MAP3K13: variants seen among roughly 807,000 people sequenced by gnomAD.
MAP3K13 encodes leucine zipper-bearing kinase.
MAP3K13 carries 52 observed loss-of-function variants against 104.0 expected under a neutral mutation model. That is an observed-to-expected ratio of 0.50 (90% confidence interval 0.40 to 0.63). The LOEUF (loss-of-function observed/expected upper bound fraction) is 0.63, where lower values mean the gene tolerates loss of function less well. Ranked by LOEUF, MAP3K13 falls within the 20% of genes least tolerant of loss-of-function variation. The pLI, the probability that MAP3K13 is intolerant of heterozygous loss-of-function variation, is 0.00. For synonymous variants in MAP3K13, 394 were observed against 442.2 expected, an observed-to-expected ratio of 0.89 and a Z score of 1.37; for missense variants, 914 against 1,218.5, an observed-to-expected ratio of 0.75 and a Z score of 3.72.
intron 1 of MAP3K13, among the ~76,000 whole-genome samples, chr3:185,410,149 A>G (rs1365062470): frequency 6.6e-6 from 1 of 152,224 alleles, no homozygotes; most frequent in African/African-American, 2.4e-5. Context: ...CCTGCTGTGC[A>G]GCCTGGTTCT....
rs1042406928 is a variant in MAP3K13, at chr3:185,483,644, C to G, written c.*1188C>G. 2.8e-5 allele frequency: 4 copies of G among 142,048 alleles called. No individual in the cohort carries two copies. Among genetic ancestry groups the G allele is most frequent in the Non-Finnish European group, 5.7e-5 (4 of 69,806 alleles). The allele number at this position is 142,048 out of a possible 1,614,324, so 8.8% of individuals were successfully genotyped here. ...GAAGGCAGCTAGGATGTATGTGTGT[C>G]TATACAATGTCTGAGCCCAAACCAT... On this transcript the variant is annotated 3_prime_UTR_variant, in exon 14 of 14. Coordinates refer to ENST00000265026, the MANE Select transcript of MAP3K13 (RefSeq NM_004721.5).
intron 2 of MAP3K13, among the ~76,000 whole-genome samples, chr3:185,304,068 G>T (rs867268256): frequency 6.6e-6 from 1 of 151,972 alleles, no homozygotes; most frequent in Non-Finnish European, 1.5e-5. Context: ...GTGATTTCTT[G>T]TTTGACCAAT....
At chr3:185,325,623 G>A (rs1389192690) in intron 2 of MAP3K13, among the ~76,000 whole-genome samples, 3 of 152,192 alleles carry the variant, frequency 2.0e-5, no homozygotes, top group Non-Finnish European at 2.9e-5. Flanking sequence ...AGAAGGACCA[G>A]GTATGATCAG....
In MAP3K13 at chr3:185,480,271, C is replaced by A. The variant is rs752336664; in HGVS notation, c.2541C>A (p.Thr847=). 4.3e-6 allele frequency: 7 copies of A among 1,614,200 alleles called. No individual in the cohort carries two copies. In the South Asian group the frequency reaches 5.5e-5, roughly 13 times the overall value. Residue 847 remains threonine, a synonymous_variant, in exon 13 of 14, where the codon ACC becomes ACA. Coordinates refer to ENST00000265026, the MANE Select transcript of MAP3K13 (RefSeq NM_004721.5). ...TCAGCAGCTGCCAGTCATATTCAAC[C>A]TTTAGCTCTGAGAATTTCTCTGTGT... ...RCISSCQSYS[T]FSSENFSVSD...
At position 185,429,057 on chromosome 3, in the gene MAP3K13, G is replaced by A. The variant is rs1399368807; in HGVS notation, c.475+1G>A. On this transcript the variant is annotated splice_donor_variant, in intron 2 of 13. Coordinates refer to ENST00000265026, the MANE Select transcript of MAP3K13 (RefSeq NM_004721.5). LOFTEE classifies it high-confidence loss of function. The stretch of plus-strand genomic sequence containing the variant: ...ACTGATTACAAATTGCAGCAGCAAG[G>A]TAAGCTAGAATATGGACTTGGAAGA... The A allele has an allele frequency of 2.5e-6, 4 of 1,611,116 alleles. No homozygotes were observed. Among genetic ancestry groups the A allele is most frequent in the Admixed American group, 3.3e-5 (2 of 59,940 alleles).
intron 2 of MAP3K13, among the ~76,000 whole-genome samples, chr3:185,296,212 C>T (rs917641356): frequency 2.0e-5 from 3 of 152,200 alleles, no homozygotes; most frequent in Non-Finnish European, 2.9e-5. Flanking sequence ...CCACTGCACT[C>T]CAGCCTGGGT....
intron 2 of MAP3K13, among the ~76,000 whole-genome samples, chr3:185,305,656 T>C (rs942785958): frequency 1.3e-5 from 2 of 152,238 alleles, no homozygotes; most frequent in Non-Finnish European, 2.9e-5. Flanking sequence ...AGGGACTTCC[T>C]TTCGCATTTC....
chr3:185,399,464 C>T (rs909443978), intron 1 of MAP3K13, among the ~76,000 whole-genome samples: 3 of 151,278 alleles, frequency 2.0e-5, no homozygotes, highest in Admixed American at 6.6e-5. Context: ...AAATTTTAGC[C>T]GGGCGTGGTG....
In MAP3K13 at chr3:185,395,506, C is replaced by G. The variant is rs375811983; in HGVS notation, c.-86+32138C>G. Among the ~76,000 whole-genome samples the G allele has an allele frequency of 6.3e-3, 705 of 111,386 alleles. 21 individuals carry two copies. Among genetic ancestry groups the G allele is most frequent in the East Asian group, 0.038 (148 of 3,904 alleles). 73.1% of individuals were successfully genotyped at this position (111,386 alleles called of 152,430 possible). A position where few individuals can be genotyped will look rare whatever the true frequency, so the allele number is the denominator to read the frequency against. ...CCCAAGTAGCTGGGACTACAGGCACCCGCCACCACGCCCGGCTAATTTTTT... is the reference window on the plus strand; with the variant it reads ...CCCAAGTAGCTGGGACTACAGGCACGCGCCACCACGCCCGGCTAATTTTTT... On this transcript the variant is annotated intron_variant, in intron 1 of 13. Transcript: ENST00000265026.
intron 2 of MAP3K13, 124 bp downstream of exon 2, chr3:185,429,180 T>TGAA: frequency 1.2e-6 from 1 of 855,876 alleles, no homozygotes; most frequent in Non-Finnish European, 1.8e-6. Context: ...GACAGATGAA[T>TGAA]ACCTCATTTC....
At chr3:185,297,873 ACTCT>A (rs370793853) in intron 2 of MAP3K13, among the ~76,000 whole-genome samples, 44 of 147,344 alleles carry the variant, frequency 3.0e-4, no homozygotes, top group Non-Finnish European at 5.4e-4. Flanking sequence ...AATAAGAGCT[ACTCT>A]CTCTCTCTCT....
intron 2 of MAP3K13, among the ~76,000 whole-genome samples, chr3:185,319,453 G>A (rs1721785568): frequency 6.6e-6 from 1 of 152,238 alleles, no homozygotes; most frequent in Non-Finnish European, 1.5e-5. Flanking sequence ...GTAAAGCTAT[G>A]TCCTGGCCTG....
intron 2 of MAP3K13, among the ~76,000 whole-genome samples, chr3:185,346,231 T>C (rs1408132813): frequency 6.6e-6 from 1 of 152,196 alleles, no homozygotes; most frequent in Non-Finnish European, 1.5e-5. Context: ...ACTTTTCTTA[T>C]CTTATCAATT....
intron 1 of MAP3K13, among the ~76,000 whole-genome samples, chr3:185,393,009 G>T (rs376152869): frequency 6.6e-5 from 10 of 151,960 alleles, no homozygotes; most frequent in African/African-American, 2.2e-4. Flanking sequence ...CCGAGATCAC[G>T]CCACTGCACT....
chr3:185,334,988 C>T lies in MAP3K13; in HGVS notation c.-86+49345C>T, dbSNP rs1722427800. 2.0e-5 allele frequency among the ~76,000 whole-genome samples: 3 copies of T among 151,026 alleles called. No homozygotes were observed. In the South Asian group the frequency reaches 6.2e-4, roughly 31 times the overall value. On this transcript the variant is annotated intron_variant, in intron 2 of 14. Coordinates refer to the MAP3K13 transcript ENST00000424227. ...CAAAACTGCAATAGACATGGATGTA[C>T]TGATAAATAGACATGGATCATAGAT...
chr3:185,470,083 C>CT (rs1230108956), intron 10 of MAP3K13, among the ~76,000 whole-genome samples: 1 of 152,158 alleles, frequency 6.6e-6, no homozygotes, highest in Non-Finnish European at 1.5e-5. Context: ...CAGAGAAGGG[C>CT]TGCTGCTCTC....
At chr3:185,351,565 A>G (rs949385838) in intron 2 of MAP3K13, among the ~76,000 whole-genome samples, 3 of 152,196 alleles carry the variant, frequency 2.0e-5, no homozygotes, top group East Asian at 1.9e-4. Context: ...ATGAATTCCA[A>G]GACTATGGAC....
At chr3:185,397,566 T>C (rs1712500432) in intron 1 of MAP3K13, among the ~76,000 whole-genome samples, 1 of 152,250 alleles carries the variant, frequency 6.6e-6, no homozygotes, top group South Asian at 2.1e-4. Context: ...GATAAACTTA[T>C]TTCTATTTCG....
rs1347144051 is a variant in MAP3K13, at chr3:185,288,438, AT to A, written c.-86+2796del. Among the ~76,000 whole-genome samples the A allele has an allele frequency of 2.0e-5, 3 of 150,514 alleles. No homozygotes were observed. The Admixed American group carries it at 2.0e-4, about 10-fold the overall frequency. On this transcript the variant is annotated intron_variant, in intron 2 of 14. Transcript: ENST00000424227. ...GAGAGAATATATATATTCCAGAAAAATATATATAATTTATATAGAGAGAATA... is the reference window on the plus strand; with the variant it reads ...GAGAGAATATATATATTCCAGAAAAAATATATAATTTATATAGAGAGAATA...
Sources: allele counts gnomAD v4.1 joint callset (sites outside exome capture counted in the v4.1 genomes callset), GRCh38; gene constraint gnomAD v4.1.1; transcripts MANE v1.5; gene names NCBI Gene and HGNC (gene_info 2026-07-23, HGNC 2026-07-21).